The following PALLD variants were observed in gnomAD, a reference collection of about 807,000 sequenced individuals.
PALLD encodes the protein palladin, cytoskeletal associated protein, also known as palladin.
Under a neutral mutation model 123.5 loss-of-function variants are expected in PALLD, and 61 were observed. The ratio of observed to expected loss-of-function variants is 0.49; its 90% CI spans 0.40 to 0.61. The LOEUF (loss-of-function observed/expected upper bound fraction) is 0.61, where lower values mean the gene tolerates loss of function less well. Ranked by LOEUF, PALLD falls within the 20% of genes least tolerant of loss-of-function variation. PALLD has a pLI of 0.00. For missense variants in PALLD, 1,273 were observed against 1,377.0 expected, an observed-to-expected ratio of 0.92 and a Z score of 1.20; for synonymous variants, 465 against 496.4, an observed-to-expected ratio of 0.94 and a Z score of 0.84.
chr4:168,585,623 TGTGCCCCTGGCCCCATCA>T (rs1770737991), intron 2 of PALLD, among the ~76,000 whole-genome samples: 1 of 151,726 alleles, frequency 6.6e-6, no homozygotes, highest in African/African-American at 2.4e-5. Flanking sequence ...AGGCACTGAG[TGTGCCCCTGGCCCCATCA>T]GTTTAATTCT....
At chr4:168,749,521 A>C (rs1730754542) in intron 10 of PALLD, among the ~76,000 whole-genome samples, 1 of 152,188 alleles carries the variant, frequency 6.6e-6, no homozygotes, top group African/African-American at 2.4e-5. Context: ...AGCCTGGCCA[A>C]CATGGCAAAA....
At chr4:168,816,835 TGTGTG>T (rs1179386885) in intron 10 of PALLD, among the ~76,000 whole-genome samples, 1 of 136,436 alleles carries the variant, frequency 7.3e-6, no homozygotes, top group Admixed American at 7.0e-5. Context: ...TGTGTGTGTG[TGTGTG>T]TGTGTGTGTG....
chr4:168,839,345 A>G (rs562661292), intron 10 of PALLD, among the ~76,000 whole-genome samples: 1 of 152,334 alleles, frequency 6.6e-6, no homozygotes, highest in South Asian at 2.1e-4. Context: ...TGTTGGGGGC[A>G]GTGAAGAAGC....
chr4:168,537,962 T>C (rs1328530489), intron 2 of PALLD, among the ~76,000 whole-genome samples: 1 of 152,258 alleles, frequency 6.6e-6, no homozygotes, highest in Non-Finnish European at 1.5e-5. Context: ...AATTGAATTC[T>C]ATCCCCCTTC....
At chr4:168,545,798 T>C (rs1766082864) in intron 2 of PALLD, among the ~76,000 whole-genome samples, 1 of 152,212 alleles carries the variant, frequency 6.6e-6, no homozygotes, top group South Asian at 2.1e-4. Context: ...AATGTCAGTT[T>C]ATCAATATAT....
intron 2 of PALLD, among the ~76,000 whole-genome samples, chr4:168,541,429 T>C (rs1396686364): frequency 6.6e-6 from 1 of 152,028 alleles, no homozygotes; most frequent in Non-Finnish European, 1.5e-5. Context: ...GTATTTATTT[T>C]ACACTCTCAC....
chr4:168,764,764 A>T (rs1190605254), intron 10 of PALLD, among the ~76,000 whole-genome samples: 1 of 151,980 alleles, frequency 6.6e-6, no homozygotes, highest in Non-Finnish European at 1.5e-5. Context: ...CTTAGAGATG[A>T]CCGTACCATC....
chr4:168,894,716 T>C, intron 12 of PALLD, 39 bp downstream of exon 12: 1 of 1,600,196 alleles, frequency 6.2e-7, no homozygotes, highest in Non-Finnish European at 8.5e-7. Context: ...TAACATTTAT[T>C]CTGTCCCCCT....
chr4:168,542,641 C>A (rs1765729337), intron 2 of PALLD, among the ~76,000 whole-genome samples: 1 of 124,840 alleles, frequency 8.0e-6, no homozygotes. Context: ...GTAAGGCTCC[C>A]TATATATTTA....
chr4:168,677,752 G>A (rs1286679444), intron 3 of PALLD: 1 of 152,136 alleles, frequency 6.6e-6, no homozygotes, highest in Non-Finnish European at 1.5e-5. Flanking sequence ...TCATCACAGA[G>A]AAAACTTCTC....
chr4:168,500,284 G>A (rs545718959), intron 1 of PALLD, among the ~76,000 whole-genome samples: 7 of 152,234 alleles, frequency 4.6e-5, no homozygotes, highest in East Asian at 1.9e-4. Context: ...GTTCCTCCAC[G>A]TCAAAGAAAT....
chr4:168,724,550 C>T (rs1487241608), intron 10 of PALLD, among the ~76,000 whole-genome samples: 1 of 152,080 alleles, frequency 6.6e-6, no homozygotes, highest in African/African-American at 2.4e-5. Context: ...TTTAAAAAAC[C>T]TTTTCCATAT....
At chr4:168,739,378 C>T (rs574695567) in intron 10 of PALLD, among the ~76,000 whole-genome samples, 46 of 152,242 alleles carry the variant, frequency 3.0e-4, no homozygotes, top group Admixed American at 1.2e-3. Context: ...ACTTACATTC[C>T]CACCAACAAT....
At chr4:168,850,365 G>A (rs1225255521) in intron 10 of PALLD, among the ~76,000 whole-genome samples, 2 of 151,954 alleles carry the variant, frequency 1.3e-5, no homozygotes, top group African/African-American at 4.8e-5. Flanking sequence ...AATATGGTAT[G>A]TCCAGGCCTG....
intron 15 of PALLD, among the ~76,000 whole-genome samples, chr4:168,913,230 G>C (rs12644874): frequency 1.5e-4 from 22 of 150,774 alleles, no homozygotes; most frequent in Middle Eastern, 3.4e-3. Flanking sequence ...TCCGCCTCCC[G>C]GGTTCAATAG....
At position 168,925,058 on chromosome 4, in the gene PALLD, C is replaced by T. The variant is rs1762303963; in HGVS notation, c.3338C>T (p.Thr1113Ile). The T allele has an allele frequency of 1.4e-5, 22 of 1,614,054 alleles. No individual in the cohort carries two copies. The highest frequency in any genetic ancestry group is 1.9e-5 in the Non-Finnish European group (22 of 1,179,954). Residue 1113 changes from threonine (T) to isoleucine (I), a missense_variant, in exon 20 of 22, where the codon ACT becomes ATT. Thr to Ile is a moderately conservative substitution (Grantham distance 89). This residue lies in a region of PALLD where 329 missense variants were observed against 422.5 expected (regional missense o/e 0.78). Coordinates refer to ENST00000505667, the MANE Select transcript of PALLD (RefSeq NM_001166108.2). ...AATGAAGCAGGGATTGTGTCCTGTACTGCCAGGCTGGACGTTTACAGTGAG... is the reference window on the plus strand; with the variant it reads ...AATGAAGCAGGGATTGTGTCCTGTATTGCCAGGCTGGACGTTTACAGTGAG... ...AKNEAGIVSCTARLDVYISRH is the reference protein window; with the variant it reads ...AKNEAGIVSCIARLDVYISRH
At chr4:168,563,022 C>T (rs1458517544) in intron 2 of PALLD, among the ~76,000 whole-genome samples, 1 of 152,120 alleles carries the variant, frequency 6.6e-6, no homozygotes, top group Admixed American at 6.5e-5. Flanking sequence ...AGAGAGAGAG[C>T]TGGAAGAACT....
At chr4:168,772,119 C>T (rs185602707) in intron 10 of PALLD, among the ~76,000 whole-genome samples, 3 of 152,178 alleles carry the variant, frequency 2.0e-5, no homozygotes, top group East Asian at 1.9e-4. Flanking sequence ...AACAGCCTTG[C>T]GAAATAGGAC....
chr4:168,534,576 GGTATAATA>G (rs752422863), intron 2 of PALLD, among the ~76,000 whole-genome samples: 2 of 152,088 alleles, frequency 1.3e-5, no homozygotes, highest in African/African-American at 2.4e-5. Context: ...CATTTCAAAT[GGTATAATA>G]GGGGAAGTGG....
Sources: allele counts gnomAD v4.1 joint callset (sites outside exome capture counted in the v4.1 genomes callset), GRCh38; gene constraint gnomAD v4.1.1; regional missense constraint gnomAD v4.1.1; transcripts MANE v1.5; gene names NCBI Gene and HGNC (gene_info 2026-07-23, HGNC 2026-07-21).